The following CHST3 variants were observed in gnomAD, a reference collection of about 807,000 sequenced individuals.
The protein encoded by CHST3 is C6ST-1.
In CHST3, 20 loss-of-function variants were observed where a neutral mutation model predicts 35.4. That is an observed-to-expected ratio of 0.57 (90% CI 0.40 to 0.82). The LOEUF (loss-of-function observed/expected upper bound fraction) is 0.82, where lower values mean the gene tolerates loss of function less well. Ranked by LOEUF, CHST3 falls within the 40% of genes least tolerant of loss-of-function variation. The pLI is 0.00. For synonymous variants in CHST3, 334 were observed against 295.9 expected, an observed-to-expected ratio of 1.13 and a Z score of -1.32; for missense variants, 693 against 670.1, an observed-to-expected ratio of 1.03 and a Z score of -0.38.
chr10:71,965,615 G>A (rs1416410179), intron 1 of CHST3, among the ~76,000 whole-genome samples: 1 of 152,234 alleles, frequency 6.6e-6, no homozygotes, highest in Non-Finnish European at 1.5e-5. Context: ...GGTTTCTGAT[G>A]CGTGGTGTTG....
At chr10:71,990,760 G>T (rs999943576) in intron 1 of CHST3, among the ~76,000 whole-genome samples, 1 of 152,190 alleles carries the variant, frequency 6.6e-6, no homozygotes, top group Non-Finnish European at 1.5e-5. Flanking sequence ...ACTGGGATTC[G>T]ATTACAACAC....
Position 72,008,062 on chromosome 10 carries a change from A to G in CHST3, c.1031A>G (p.Asn344Ser), listed in dbSNP as rs777739643. The G allele has an allele frequency of 6.5e-6, 10 of 1,548,816 alleles. No individual in the cohort carries two copies. The highest frequency in any genetic ancestry group is 1.8e-4 in the Middle Eastern group (1 of 5,564). Residue 344 changes from asparagine to serine, a missense_variant, in exon 3 of 3, where the codon AAC becomes AGC. Asn to Ser is a conservative substitution (Grantham distance 46). Transcript: ENST00000373115. The stretch of plus-strand genomic sequence containing the variant: ...GAGGAGGTGCAGCGGCTGCGGGGCA[A>G]CTGCGAGAGCATCCGCCTGTCCGCG... ...REEEVQRLRG[N>S]CESIRLSAEL...
At chr10:71,983,079 G>C (rs1464291793) in intron 1 of CHST3, among the ~76,000 whole-genome samples, 1 of 152,242 alleles carries the variant, frequency 6.6e-6, no homozygotes, top group Non-Finnish European at 1.5e-5. Flanking sequence ...GGAGGCCCCA[G>C]GAAGGGGAGG....
In CHST3 at chr10:71,969,351, C is replaced by T. The variant is rs527299252; in HGVS notation, c.-108+4657C>T. Among the ~76,000 whole-genome samples, 26 of 152,334 alleles carry T rather than the reference C, an allele frequency of 1.7e-4. No individual in the cohort carries two copies. In the South Asian group the frequency reaches 5.0e-3, roughly 29 times the overall value. ...CATCTGCAAAGGCCTGGGACAGCCA[C>T]GTTTTCAGTCGGGGTGGTATTTTCT... On this transcript the variant is annotated intron_variant, in intron 1 of 2. Transcript: ENST00000373115.
intron 1 of CHST3, among the ~76,000 whole-genome samples, chr10:71,995,149 G>A (rs1237916639): frequency 6.6e-6 from 1 of 152,128 alleles, no homozygotes; most frequent in Admixed American, 6.5e-5. Flanking sequence ...TTCCAGCCGG[G>A]TGCGGTGACT....
At chr10:72,003,700 C>A (rs1402292441) in intron 1 of CHST3, among the ~76,000 whole-genome samples, 522 of 111,192 alleles carry the variant, frequency 4.7e-3, no homozygotes, top group South Asian at 6.2e-3. Context: ...GACTCTGTCT[C>A]AAAAAAAAAA....
intron 1 of CHST3, among the ~76,000 whole-genome samples, chr10:71,967,245 A>G (rs1839640690): frequency 6.6e-6 from 1 of 151,796 alleles, no homozygotes; most frequent in African/African-American, 2.4e-5. Flanking sequence ...GCCTGCCTCC[A>G]CCTCCCAAAG....
rs765343233 is a variant in CHST3, at chr10:72,010,416, T to A, written c.*1945T>A. On this transcript the variant is annotated 3_prime_UTR_variant, in exon 3 of 3. Coordinates refer to ENST00000373115, the MANE Select transcript of CHST3 (RefSeq NM_004273.5). ...ATATGGACACCATGGAAGTACAGGA[T>A]CTGAGTCCAACATTGCCATGGGGGA... 6.6e-6 allele frequency: 1 copy of A among 152,170 alleles called. No homozygotes were observed. The highest frequency in any genetic ancestry group is 1.5e-5 in the Non-Finnish European group (1 of 68,042). 9.4% of individuals were successfully genotyped at this position (152,170 alleles called of 1,614,324 possible).
At chr10:72,006,696 C>T (rs1026022189) in intron 2 of CHST3, among the ~76,000 whole-genome samples, 1 of 152,218 alleles carries the variant, frequency 6.6e-6, no homozygotes, top group Admixed American at 6.5e-5. Context: ...TGCAAGAAAG[C>T]ATTAGCTAAG....
chr10:71,988,024 T>C (rs1315266900), intron 1 of CHST3, among the ~76,000 whole-genome samples: 1 of 152,184 alleles, frequency 6.6e-6, no homozygotes, highest in African/African-American at 2.4e-5. Flanking sequence ...CCTCACAGCT[T>C]CCATGGGCTT....
At chr10:71,989,424 G>A (rs1011503813) in intron 1 of CHST3, among the ~76,000 whole-genome samples, 25 of 152,128 alleles carry the variant, frequency 1.6e-4, no homozygotes, top group African/African-American at 5.8e-4. Flanking sequence ...TCCAGCCTAG[G>A]CAGTGGAGCA....
chr10:71,967,385 C>G (rs1839642281), intron 1 of CHST3, among the ~76,000 whole-genome samples: 1 of 152,132 alleles, frequency 6.6e-6, no homozygotes, highest in South Asian at 2.1e-4. Context: ...TTCAGATGTA[C>G]CCAATGTTTA....
chr10:71,986,195 C>T (rs939027602), intron 1 of CHST3, among the ~76,000 whole-genome samples: 21 of 152,186 alleles, frequency 1.4e-4, no homozygotes, highest in East Asian at 5.8e-4. Context: ...CAGCAGCTCC[C>T]GCTGTCTGTA....
chr10:71,990,099 A>C (rs1839883746), intron 1 of CHST3, among the ~76,000 whole-genome samples: 2 of 152,242 alleles, frequency 1.3e-5, no homozygotes, highest in African/African-American at 4.8e-5. Flanking sequence ...CAAATATATC[A>C]GCAAGATTAG....
intron 1 of CHST3, among the ~76,000 whole-genome samples, chr10:71,994,488 A>C (rs1016772139): frequency 6.6e-6 from 1 of 152,180 alleles, no homozygotes; most frequent in Non-Finnish European, 1.5e-5. Context: ...AATAAATCAT[A>C]CTGTAAACAG....
Position 72,007,989 on chromosome 10 carries a change from A to C in CHST3, c.958A>C (p.Thr320Pro). 2 of 1,549,466 alleles carry C rather than the reference A, an allele frequency of 1.3e-6. No homozygotes were observed. Among genetic ancestry groups the C allele is most frequent in the Non-Finnish European group, 1.7e-6 (2 of 1,146,494 alleles). ...GGTGGCCTTCGCCGGCAAGTATAAG[A>C]CCTGGAAGAAGTGGCTGGACGACGA... ...RMVAFAGKYK[T>P]WKKWLDDEGQ... Residue 320 changes from threonine to proline, a missense_variant, in exon 3 of 3, where the codon ACC (threonine) becomes CCC (proline). Physicochemically the swap from Thr to Pro is conservative, Grantham distance 38. Coordinates refer to ENST00000373115, the MANE Select transcript of CHST3 (RefSeq NM_004273.5).
At chr10:71,974,503 G>A (rs751111080) in intron 1 of CHST3, among the ~76,000 whole-genome samples, 3 of 152,182 alleles carry the variant, frequency 2.0e-5, no homozygotes, top group Non-Finnish European at 4.4e-5. Flanking sequence ...GGCTGGGGCC[G>A]CAGCCAGGAG....
intron 1 of CHST3, among the ~76,000 whole-genome samples, chr10:71,978,345 G>C (rs1176738609): frequency 6.6e-6 from 1 of 151,100 alleles, no homozygotes; most frequent in Non-Finnish European, 1.5e-5. Flanking sequence ...CAGCCTAGGC[G>C]ATAGACCGAG....
intron 1 of CHST3, among the ~76,000 whole-genome samples, chr10:71,988,755 T>C (rs1839872057): frequency 6.6e-6 from 1 of 152,216 alleles, no homozygotes; most frequent in Admixed American, 6.5e-5. Context: ...CAGACATCAC[T>C]ACTCAACTGC....
Sources: allele counts gnomAD v4.1 joint callset (sites outside exome capture counted in the v4.1 genomes callset), GRCh38; gene constraint gnomAD v4.1.1; transcripts MANE v1.5; gene names NCBI Gene and HGNC (gene_info 2026-07-23, HGNC 2026-07-21).